The following RGS6 variants were observed in gnomAD, a reference collection of about 807,000 sequenced individuals.
RGS6 encodes regulator of G protein signaling 6.
In RGS6, 30 loss-of-function variants were observed where a neutral mutation model predicts 78.5. The ratio of observed to expected loss-of-function variants is 0.38; its 90% confidence interval spans 0.29 to 0.52. The LOEUF (loss-of-function observed/expected upper bound fraction) is 0.52. Among genes scored for constraint, RGS6 ranks in the 20% least tolerant of loss-of-function variants. The pLI is 0.85. For synonymous variants in RGS6, 206 were observed against 206.0 expected (o/e 1.00, Z 0.00); for missense variants, 495 against 609.7 (o/e 0.81, Z 1.98).
At chr14:72,042,129 C>CTTTTTTTTTTTT (rs202194668) in intron 2 of RGS6, among the ~76,000 whole-genome samples, 7 of 134,518 alleles carry the variant, frequency 5.2e-5, no homozygotes, top group Non-Finnish European at 7.9e-5. Context: ...TTTTCTTTTT[C>CTTTTTTTTTTTT]TTTTTTTTTT....
intron 3 of RGS6, among the ~76,000 whole-genome samples, chr14:72,386,492 T>G (rs1297937406): frequency 6.6e-6 from 1 of 152,150 alleles, no homozygotes; most frequent in Non-Finnish European, 1.5e-5. Flanking sequence ...GAGCCAAGAT[T>G]GTGCCACTGC....
chr14:72,219,326 A>G (rs2046332717), intron 2 of RGS6, among the ~76,000 whole-genome samples: 1 of 152,128 alleles, frequency 6.6e-6, no homozygotes, highest in Non-Finnish European at 1.5e-5. Context: ...ATTTGTGAAT[A>G]CAGAATCCAC....
chr14:72,289,230 C>T (rs966702738), intron 2 of RGS6, among the ~76,000 whole-genome samples: 2 of 152,136 alleles, frequency 1.3e-5, no homozygotes, highest in Admixed American at 6.5e-5. Context: ...TAGCTGAGGC[C>T]GTATCTCCTA....
rs565755676 is a variant in RGS6, at chr14:72,418,621, A to G, written c.185-35907A>G. ...GGCCCAATGATGGATAGAGAGGCAC[A>G]TCCACTGCTGAGCTCTAACCTAGAG... On this transcript the variant is annotated intron_variant, in intron 3 of 17. Transcript: ENST00000553525. 3.9e-5 allele frequency among the ~76,000 whole-genome samples: 6 copies of G among 152,352 alleles called. No individual in the cohort carries two copies. In the South Asian group the frequency reaches 1.2e-3, roughly 32 times the overall value.
At chr14:72,377,041 A>T (rs992180750) in intron 3 of RGS6, among the ~76,000 whole-genome samples, 5 of 152,222 alleles carry the variant, frequency 3.3e-5, no homozygotes, top group Admixed American at 1.3e-4. Context: ...ATAGGATGAT[A>T]AAAGTCCTCA....
chr14:72,236,293 T>C (rs2153817572), intron 2 of RGS6, among the ~76,000 whole-genome samples: 1 of 152,316 alleles, frequency 6.6e-6, no homozygotes, highest in South Asian at 2.1e-4. Flanking sequence ...ATCCCTCTCT[T>C]CATCTTATTT....
chr14:72,180,338 T>C (rs1336745964), intron 2 of RGS6, among the ~76,000 whole-genome samples: 3 of 152,210 alleles, frequency 2.0e-5, no homozygotes. Context: ...GCAGCTGTTG[T>C]TGGAATTGAA....
chr14:72,599,575 A>ATTTTTTTTTTTTT, the RGS6 span, among the ~76,000 whole-genome samples: 2 of 103,260 alleles, frequency 1.9e-5, no homozygotes, highest in South Asian at 3.2e-4. Flanking sequence ...CGCCTGGCTA[A>ATTTTTTTTTTTTT]TTTTTTTTTT....
chr14:71,967,656 G>GT (rs939975718), intron 2 of RGS6, among the ~76,000 whole-genome samples: 48 of 150,810 alleles, frequency 3.2e-4, no homozygotes, highest in African/African-American at 1.0e-3. Context: ...TGTTGTTGTT[G>GT]TTTTTTTTCT....
At chr14:72,341,939 G>T (rs2077090003) in intron 2 of RGS6, among the ~76,000 whole-genome samples, 1 of 152,124 alleles carries the variant, frequency 6.6e-6, no homozygotes, top group African/African-American at 2.4e-5. Context: ...GGAAGAAATT[G>T]TAGTAATATT....
chr14:72,416,981 G>A (rs1223830931), intron 3 of RGS6, among the ~76,000 whole-genome samples: 1 of 152,192 alleles, frequency 6.6e-6, no homozygotes, highest in Non-Finnish European at 1.5e-5. Context: ...GTATGCCTTA[G>A]TAGATGTTAG....
At chr14:72,607,167 C>T in the RGS6 span, among the ~76,000 whole-genome samples, 1 of 152,174 alleles carries the variant, frequency 6.6e-6, no homozygotes, top group African/African-American at 2.4e-5. Flanking sequence ...ACATCTACTG[C>T]CTTCTCAAAA....
chr14:72,302,656 G>C (rs1215809078), intron 2 of RGS6, among the ~76,000 whole-genome samples: 1 of 151,596 alleles, frequency 6.6e-6, no homozygotes, highest in Non-Finnish European at 1.5e-5. Context: ...AACGGCCTCA[G>C]AGGCCCCCAA....
intron 3 of RGS6, among the ~76,000 whole-genome samples, chr14:72,383,092 T>C (rs527462502): frequency 1.3e-5 from 2 of 150,256 alleles, no homozygotes; most frequent in South Asian, 4.2e-4. Flanking sequence ...TATATGCTTA[T>C]GTTGCATTTT....
At chr14:72,053,536 G>A (rs1490958108) in intron 2 of RGS6, among the ~76,000 whole-genome samples, 2 of 152,162 alleles carry the variant, frequency 1.3e-5, no homozygotes, top group Non-Finnish European at 2.9e-5. Flanking sequence ...AGTAAGCCTG[G>A]ACTGAGCCTT....
chr14:71,987,410 C>T (rs1032473413), intron 2 of RGS6, among the ~76,000 whole-genome samples: 1 of 152,050 alleles, frequency 6.6e-6, no homozygotes, highest in Non-Finnish European at 1.5e-5. Context: ...CAAGCCCATG[C>T]CATCGAGGAG....
rs1303242111 is a variant in RGS6, at chr14:72,262,835, C to A, written c.85-89260C>A. On this transcript the variant is annotated intron_variant, in intron 2 of 17. Transcript: ENST00000553525. ...TCAGATATGTCAGCCACAGCTGGATCCAGGGTCGATGTCATCAGGTCTTTG... is the reference window on the plus strand; with the variant it reads ...TCAGATATGTCAGCCACAGCTGGATACAGGGTCGATGTCATCAGGTCTTTG... 2.0e-5 allele frequency among the ~76,000 whole-genome samples: 3 copies of A among 152,112 alleles called. No individual in the cohort carries two copies. The East Asian group carries it at 5.8e-4, about 29-fold the overall frequency.
chr14:72,410,841 C>T (rs566059698), intron 3 of RGS6, among the ~76,000 whole-genome samples: 33 of 152,304 alleles, frequency 2.2e-4, no homozygotes, highest in Non-Finnish European at 3.7e-4. Context: ...TTCCCCATTT[C>T]TTCTTTTTGT....
At chr14:72,303,249 C>A (rs1025506929) in intron 2 of RGS6, among the ~76,000 whole-genome samples, 1 of 152,158 alleles carries the variant, frequency 6.6e-6, no homozygotes, top group Non-Finnish European at 1.5e-5. Flanking sequence ...GCTTGTAATC[C>A]CAGCACTTTG....
Sources: gnomAD v4.1 joint callset for allele counts (sites outside exome capture counted in the v4.1 genomes callset) on GRCh38, gnomAD v4.1.1 for gene constraint, MANE v1.5 for transcripts, NCBI Gene and HGNC (gene_info 2026-07-23, HGNC 2026-07-21) for gene names.